The following PIGX variants were observed in gnomAD, a reference collection of about 807,000 sequenced individuals.
The protein encoded by PIGX is GPI alpha-1,4-mannosyltransferase I, stabilizing subunit.
Under a neutral mutation model 28.7 loss-of-function variants are expected in PIGX, and 24 were observed. The ratio of observed to expected loss-of-function variants is 0.84; its 90% CI spans 0.60 to 1.17. The LOEUF (loss-of-function observed/expected upper bound fraction) is 1.17, where lower values mean the gene tolerates loss of function less well. Among genes scored for constraint, PIGX ranks in the 50% most tolerant of loss-of-function variants. PIGX has a pLI of 0.00. For missense variants in PIGX, 305 were observed against 317.8 expected (o/e 0.96, Z 0.31); for synonymous variants, 127 against 121.0 (o/e 1.05, Z -0.33).
intron 2 of PIGX, chr3:196,721,188 A>T: frequency 2.6e-6 from 1 of 380,352 alleles, no homozygotes; most frequent in Non-Finnish European, 5.1e-6. Context: ...AACTCCAAAT[A>T]TATGTATACT....
Position 196,728,001 on chromosome 3 carries a change from A to T in PIGX, c.397A>T (p.Arg133Ter). The T allele has an allele frequency of 6.2e-7, 1 of 1,614,152 alleles. No individual in the cohort carries two copies. Among genetic ancestry groups the T allele is most frequent in the Non-Finnish European group, 8.5e-7 (1 of 1,179,976 alleles). ...GGAGTCTGAAGTTCTCATTTATGCC[A>T]GACGAGATTCACAGTGCATTGACTG... The change falls in exon 4 of 6, where the codon AGA (arginine) becomes TGA (stop). Residue 133 changes from arginine to a stop codon, truncating the protein, a stop_gained. Coordinates refer to ENST00000392391, the MANE Select transcript of PIGX (RefSeq NM_017861.4). LOFTEE classifies it high-confidence loss of function.
Position 196,734,007 on chromosome 3 carries a change from G to T in PIGX, c.*105G>T, listed in dbSNP as rs867790500. The T allele has an allele frequency of 3.8e-6, 3 of 784,388 alleles. No homozygotes were observed. In the South Asian group the frequency reaches 5.5e-5, roughly 14 times the overall value. 48.6% of individuals were successfully genotyped at this position (784,388 alleles called of 1,614,324 possible). On this transcript the variant is annotated 3_prime_UTR_variant, in exon 6 of 6. Transcript: ENST00000392391. ...TTACTTTTATCTTTTGTCTTCATTT[G>T]TGGCCAAAATTATGTTTACTAGAGG...
intron 1 of PIGX, among the ~76,000 whole-genome samples, chr3:196,713,999 T>C (rs1286339160): frequency 6.6e-6 from 1 of 152,242 alleles, no homozygotes; most frequent in Non-Finnish European, 1.5e-5. Context: ...TAGTATTTGC[T>C]GTACTATTTG....
In PIGX at chr3:196,733,395, AT is replaced by A. The variant is rs1212617356; in HGVS notation, c.634-360del. Among the ~76,000 whole-genome samples the A allele has an allele frequency of 2.0e-5, 3 of 152,050 alleles. No homozygotes were observed. Among genetic ancestry groups the A allele is most frequent in the Non-Finnish European group, 4.4e-5 (3 of 68,010 alleles). On this transcript the variant is annotated intron_variant, in intron 5 of 5. Transcript: ENST00000392391. The surrounding 1 kb of genome is among the most constrained non-coding windows in gnomAD (Gnocchi z 4.3). ...GGTCTCACCTTATGACATTTATTTT[AT>A]TTTACTATTTTTATTTATTTATTTA...
Position 196,712,581 on chromosome 3 carries a change from G to A in PIGX, c.49G>A (p.Gly17Arg). Residue 17 changes from glycine (G) to arginine (R), a missense_variant, in exon 1 of 6, where the codon GGG becomes AGG. Physicochemically the swap from Gly to Arg is moderately radical, Grantham distance 125. Transcript: ENST00000392391. ...TCGGGCGGCCGCCTGGCTGCTCCTC[G>A]GGGCGGCGACCGGGCTCACGCGCGG... 1 of 1,190,322 alleles carries A rather than the reference G, an allele frequency of 8.4e-7. No individual in the cohort carries two copies. Among genetic ancestry groups the A allele is most frequent in the Non-Finnish European group, 1.0e-6 (1 of 961,268 alleles). The allele number at this position is 1,190,322 out of a possible 1,614,324, so 73.7% of individuals were successfully genotyped here.
rs536936989 is a variant in PIGX, at chr3:196,734,056, A to G, written c.*154A>G. 3.7e-5 allele frequency: 22 copies of G among 589,248 alleles called. No individual in the cohort carries two copies. The highest frequency in any genetic ancestry group is 6.6e-5 in the Non-Finnish European group (22 of 332,780). The allele number at this position is 589,248 out of a possible 1,614,324, so 36.5% of individuals were successfully genotyped here. On this transcript the variant is annotated 3_prime_UTR_variant, in exon 6 of 6. Transcript: ENST00000392391. ...GGAAATTTGGGATCATTCTCAGCTA[A>G]TTCCAAAATGTAGTGCTCTATTGCA...
At chr3:196,731,161 G>A in intron 5 of PIGX, 69 bp downstream of exon 5, 1 of 860,904 alleles carries the variant, frequency 1.2e-6, no homozygotes, top group Non-Finnish European at 1.9e-6. Flanking sequence ...TAATGTTCCT[G>A]CCACATTTAA....
At position 196,732,247 on chromosome 3, in the gene PIGX, TA is replaced by T. The variant is rs1380487195; in HGVS notation, c.633+1156del. 3.5e-3 allele frequency among the ~76,000 whole-genome samples: 139 copies of T among 39,706 alleles called. 11 individuals are homozygous for T. Among genetic ancestry groups the T allele is most frequent in the African/African-American group, 0.018 (131 of 7,100 alleles). 26.0% of individuals were successfully genotyped at this position (39,706 alleles called of 152,430 possible). On this transcript the variant is annotated intron_variant, in intron 5 of 5. Transcript: ENST00000392391. ...ATATATATATATATATATATATATATATATATATATTTTATTTTATTTTATT... is the reference window on the plus strand; with the variant it reads ...ATATATATATATATATATATATATATTATATATATTTTATTTTATTTTATT...
At chr3:196,730,364 A>G (rs1472532334) in intron 4 of PIGX, among the ~76,000 whole-genome samples, 1 of 152,120 alleles carries the variant, frequency 6.6e-6, no homozygotes, top group African/African-American at 2.4e-5. Flanking sequence ...TGCACTTACG[A>G]TATGTTCACT....
intron 3 of PIGX, 69 bp downstream of exon 3, chr3:196,722,625 A>G: frequency 1.5e-6 from 2 of 1,305,942 alleles, no homozygotes; most frequent in East Asian, 4.6e-5. Flanking sequence ...ATTAAGGAAA[A>G]ATAGTAGGTT....
chr3:196,722,164 G>A (rs1399752329), intron 2 of PIGX, among the ~76,000 whole-genome samples: 1 of 152,152 alleles, frequency 6.6e-6, no homozygotes, highest in Non-Finnish European at 1.5e-5. Flanking sequence ...TTGTGTGAAT[G>A]TTATTGGATT....
intron 1 of PIGX, 68 bp from the exon 2 acceptor site, chr3:196,716,790 T>G: frequency 1.3e-6 from 1 of 752,096 alleles, no homozygotes; most frequent in Non-Finnish European, 2.0e-6. Context: ...ATAACTCTTT[T>G]ATAATTATTT....
intron 4 of PIGX, among the ~76,000 whole-genome samples, chr3:196,730,097 TTACTAAAAACCG>T (rs1265485277): frequency 6.6e-6 from 1 of 151,726 alleles, no homozygotes; most frequent in Non-Finnish European, 1.5e-5. Flanking sequence ...AGTAGCACTG[TTACTAAAAACCG>T]ACAGATGGGA....
chr3:196,721,716 G>A (rs1712329791), intron 2 of PIGX, among the ~76,000 whole-genome samples: 1 of 151,508 alleles, frequency 6.6e-6, no homozygotes, highest in Non-Finnish European at 1.5e-5. Context: ...CAATGTGCTG[G>A]GATTACAGGC....
rs759171182 is a variant in PIGX, at chr3:196,733,977, A to T, written c.*75A>T. 3.0e-5 allele frequency: 28 copies of T among 947,184 alleles called. No homozygotes were observed. Among genetic ancestry groups the T allele is most frequent in the Non-Finnish European group, 4.3e-5 (26 of 606,150 alleles). The allele number at this position is 947,184 out of a possible 1,614,324, so 58.7% of individuals were successfully genotyped here. A position where few individuals can be genotyped will look rare whatever the true frequency, so the allele number is the denominator to read the frequency against. On this transcript the variant is annotated 3_prime_UTR_variant, in exon 6 of 6. Transcript: ENST00000392391. The surrounding 1 kb of genome is among the most constrained non-coding windows in gnomAD (Gnocchi z 4.3). ...TTCTGACGAGAGGTGTTCTTCTAGA[A>T]TTAATTACTTTTATCTTTTGTCTTC...
In PIGX at chr3:196,728,581, C is replaced by T. The variant is rs183251749; in HGVS notation, c.532+445C>T. Reference sequence around the variant, plus strand: ...GTACAGGTTTCTCTCTATCCCTTTCCTTTCTTCAACACTGATCTGTTGAAA... The same window carrying T: ...GTACAGGTTTCTCTCTATCCCTTTCTTTTCTTCAACACTGATCTGTTGAAA... On this transcript the variant is annotated intron_variant, in intron 4 of 5. Coordinates refer to ENST00000392391, the MANE Select transcript of PIGX (RefSeq NM_017861.4). The T allele has an allele frequency of 1.5e-4, 103 of 696,758 alleles. 1 individual carries two copies. Among genetic ancestry groups the T allele is most frequent in the Non-Finnish European group, 1.1e-4 (41 of 385,940 alleles). 43.2% of individuals were successfully genotyped at this position (696,758 alleles called of 1,614,324 possible). A position where few individuals can be genotyped will look rare whatever the true frequency, so the allele number is the denominator to read the frequency against.
chr3:196,732,586 A>T (rs1031117302), intron 5 of PIGX, among the ~76,000 whole-genome samples: 1 of 151,802 alleles, frequency 6.6e-6, no homozygotes, highest in Non-Finnish European at 1.5e-5. Context: ...GGCCAACTTT[A>T]TATATATTTC....
intron 2 of PIGX, among the ~76,000 whole-genome samples, chr3:196,719,279 GTCT>G (rs746313155): frequency 2.0e-5 from 3 of 149,890 alleles, no homozygotes; most frequent in Non-Finnish European, 4.4e-5. Flanking sequence ...GTTGCATCTA[GTCT>G]TCTCCTTCTT....
chr3:196,731,198 G>A (rs1428560341), intron 5 of PIGX, 106 bp downstream of exon 5: 2 of 498,988 alleles, frequency 4.0e-6, no homozygotes, highest in Non-Finnish European at 3.6e-6. Context: ...TTTTTTTTTA[G>A]GCGGAGTCTC....
Sources: gnomAD v4.1 joint callset for allele counts (sites outside exome capture counted in the v4.1 genomes callset) on GRCh38, gnomAD v4.1.1 for gene constraint, Gnocchi (gnomAD v3.1) non-coding constraint, MANE v1.5 for transcripts, NCBI Gene and HGNC (gene_info 2026-07-23, HGNC 2026-07-21) for gene names.